The following LDB3 variants were observed in gnomAD, a reference collection of about 807,000 sequenced individuals.
The protein encoded by LDB3 is LIM domain-binding protein 3.
Under a neutral mutation model 69.0 loss-of-function variants are expected in LDB3, and 49 were observed. The observed-to-expected ratio is 0.71, with a 90% CI of 0.56 to 0.90. The LOEUF is 0.90. LDB3 is among the 40% of genes least tolerant of loss of function. The pLI is 0.00. For synonymous variants in LDB3, 387 were observed against 396.2 expected (o/e 0.98, Z 0.28); for missense variants, 928 against 974.1 (o/e 0.95, Z 0.63).
At position 86,699,129 on chromosome 10, in the gene LDB3, C is replaced by G; in HGVS notation, c.896+6558C>G. On this transcript the variant is annotated intron_variant, in intron 7 of 13. Coordinates refer to ENST00000361373, the MANE Select transcript of LDB3 (RefSeq NM_007078.3). This position sits in a 1 kb window ranked among gnomAD's most constrained non-coding sequence, Gnocchi z 4.9. ...ATTGCATAGCTTCTCCAAGCCCGTT[C>G]CCTCCCTCCCATGCCCTCTGCCCCA... The G allele has an allele frequency of 2.5e-3, 1,922 of 763,358 alleles. No individual in the cohort carries two copies. The highest frequency in any genetic ancestry group is 3.3e-3 in the East Asian group (110 of 33,076). 47.3% of individuals were successfully genotyped at this position (763,358 alleles called of 1,614,324 possible).
chr10:86,676,633 G>C (rs1844810915), intron 2 of LDB3, among the ~76,000 whole-genome samples: 1 of 151,984 alleles, frequency 6.6e-6, no homozygotes, highest in African/African-American at 2.4e-5. Flanking sequence ...GAAATGGCAG[G>C]TTCACAGCAA....
chr10:86,678,231 G>A (rs1036953444), intron 2 of LDB3, among the ~76,000 whole-genome samples: 7 of 151,742 alleles, frequency 4.6e-5, no homozygotes, highest in African/African-American at 1.5e-4. Flanking sequence ...TTGTAATTTT[G>A]GTACAGACGG....
Position 86,679,426 on chromosome 10 carries a change from C to T in LDB3, c.153C>T (p.Ala51=), listed in dbSNP as rs1161225357. 2 of 1,614,058 alleles carry T rather than the reference C, an allele frequency of 1.2e-6. No individual in the cohort carries two copies. The highest frequency in any genetic ancestry group is 1.7e-6 in the Non-Finnish European group (2 of 1,180,032). The stretch of plus-strand genomic sequence containing the variant: ...TCAGCCAGGGTGACCTCGTGGTGGC[C>T]ATTGACGGCGTCAACACAGACACCA... ...SQLSQGDLVV[A]IDGVNTDTMT... Residue 51 remains alanine (A), a synonymous_variant, in exon 3 of 14, where the codon GCC becomes GCT. Coordinates refer to ENST00000361373, the MANE Select transcript of LDB3 (RefSeq NM_007078.3).
At chr10:86,716,923 A>C (rs1315862328) in intron 10 of LDB3, 152 bp downstream of exon 10, 3 of 819,320 alleles carry the variant, frequency 3.7e-6, no homozygotes. Flanking sequence ...ATCTGGTCTT[A>C]CCTCTCTGAG....
intron 13 of LDB3, among the ~76,000 whole-genome samples, chr10:86,728,337 C>T (rs1166748226): frequency 6.6e-6 from 1 of 152,148 alleles, no homozygotes; most frequent in African/African-American, 2.4e-5. Context: ...TCTGCTTCTG[C>T]AAGCCTCGCA....
intron 13 of LDB3, among the ~76,000 whole-genome samples, chr10:86,730,849 G>A (rs573832055): frequency 6.6e-6 from 1 of 152,260 alleles, no homozygotes; most frequent in Admixed American, 6.5e-5. Context: ...GTCATCATGG[G>A]GATATAGAAT....
chr10:86,668,614 C>A, intron 1 of LDB3, 44 bp downstream of exon 1: 1 of 1,120,676 alleles, frequency 8.9e-7, no homozygotes, highest in African/African-American at 1.5e-5. Context: ...GTGGACCGGG[C>A]AGGCGGAGTG....
chr10:86,701,491 TATAAGCA>T, intron 7 of LDB3, among the ~76,000 whole-genome samples: 1 of 152,258 alleles, frequency 6.6e-6, no homozygotes, highest in South Asian at 2.1e-4. Flanking sequence ...AACCCCTCAG[TATAAGCA>T]GGAGAGATGT....
Position 86,680,086 on chromosome 10 carries a change from A to G in LDB3, c.250A>G (p.Lys84Glu), listed in dbSNP as rs1279004199. 1 of 1,613,984 alleles carries G rather than the reference A, an allele frequency of 6.2e-7. No individual in the cohort carries two copies. The highest frequency in any genetic ancestry group is 1.3e-5 in the African/African-American group (1 of 74,916). The change falls in exon 4 of 14, where the codon AAG becomes GAG. Residue 84 changes from lysine to glutamate, a missense_variant. Coordinates refer to ENST00000361373, the MANE Select transcript of LDB3 (RefSeq NM_007078.3). ...YNLSLTLQKS[K>E]RPIPISTTAP... Reference sequence around the variant, plus strand: ...TCTCATTTCTGGTTTCTACAGATCAAAGCGTCCCATTCCCATCTCCACGAC... The same window carrying G: ...TCTCATTTCTGGTTTCTACAGATCAGAGCGTCCCATTCCCATCTCCACGAC...
At chr10:86,725,135 G>A (rs776325252) in intron 12 of LDB3, among the ~76,000 whole-genome samples, 2 of 152,220 alleles carry the variant, frequency 1.3e-5, no homozygotes, top group African/African-American at 4.8e-5. Flanking sequence ...TCTCAGGAGG[G>A]ATGAAGGCTT....
At chr10:86,684,452 A>G (rs1845349846) in intron 5 of LDB3, among the ~76,000 whole-genome samples, 1 of 152,254 alleles carries the variant, frequency 6.6e-6, no homozygotes, top group Non-Finnish European at 1.5e-5. Flanking sequence ...TGGGCTGGTC[A>G]GGGCAAGAGA....
At chr10:86,688,658 G>A (rs1407728006) in intron 5 of LDB3, among the ~76,000 whole-genome samples, 2 of 152,224 alleles carry the variant, frequency 1.3e-5, no homozygotes, top group African/African-American at 4.8e-5. Context: ...TGCGTACCCA[G>A]AAAAACAAGG....
intron 8 of LDB3, among the ~76,000 whole-genome samples, chr10:86,709,230 AG>A (rs1846549674): frequency 6.6e-6 from 1 of 152,180 alleles, no homozygotes; most frequent in South Asian, 2.1e-4. Context: ...GACTCTCCTG[AG>A]GGTAATGAAC....
At chr10:86,682,133 C>T (rs369893973) in intron 5 of LDB3, among the ~76,000 whole-genome samples, 11 of 152,204 alleles carry the variant, frequency 7.2e-5, no homozygotes, top group African/African-American at 2.7e-4. Flanking sequence ...CACTTTTTCA[C>T]TAGGCCACTC....
At chr10:86,717,053 G>A (rs1170346045) in intron 10 of LDB3, among the ~76,000 whole-genome samples, 1 of 152,230 alleles carries the variant, frequency 6.6e-6, no homozygotes, top group African/African-American at 2.4e-5. Context: ...TTGGGCTAAG[G>A]TTGAGGTCTG....
chr10:86,681,832 G>A, intron 5 of LDB3, 29 bp downstream of exon 5: 1 of 1,554,576 alleles, frequency 6.4e-7, no homozygotes, highest in Non-Finnish European at 8.7e-7. Flanking sequence ...GCTCTCCACA[G>A]GTGGCCTGGG....
intron 13 of LDB3, among the ~76,000 whole-genome samples, chr10:86,728,233 G>A (rs1847329015): frequency 6.6e-6 from 1 of 152,186 alleles, no homozygotes. Flanking sequence ...GAAGGTCCAG[G>A]AAGACAGTGG....
rs1404029831 is a variant in LDB3, at chr10:86,734,981, G to A, written c.*2005G>A. On this transcript the variant is annotated 3_prime_UTR_variant, in exon 14 of 14. Coordinates refer to ENST00000361373, the MANE Select transcript of LDB3 (RefSeq NM_007078.3). ...ACTATCTATTCAATTATCAGGGGCT[G>A]GTCTTGAGGAAGGAAAAAAAAAAAA... 1 of 113,664 alleles carries A rather than the reference G, an allele frequency of 8.8e-6. No homozygotes were observed. Among genetic ancestry groups the A allele is most frequent in the Non-Finnish European group, 1.8e-5 (1 of 56,180 alleles). 7.0% of individuals were successfully genotyped at this position (113,664 alleles called of 1,614,324 possible).
chr10:86,713,799 T>A (rs1392901899), intron 9 of LDB3, among the ~76,000 whole-genome samples: 1 of 152,206 alleles, frequency 6.6e-6, no homozygotes, highest in Non-Finnish European at 1.5e-5. Flanking sequence ...ATCCATTCAC[T>A]ATGTCACCCC....
Sources: gnomAD v4.1 joint callset for allele counts (sites outside exome capture counted in the v4.1 genomes callset) on GRCh38, gnomAD v4.1.1 for gene constraint, Gnocchi (gnomAD v3.1) non-coding constraint, MANE v1.5 for transcripts, NCBI Gene and HGNC (gene_info 2026-07-23, HGNC 2026-07-21) for gene names.